Variants in ARHGAP44 observed in about 807,000 individuals in gnomAD.
ARHGAP44 encodes rho GTPase-activating protein 44.
Under a neutral mutation model 106.8 loss-of-function variants are expected in ARHGAP44, and 43 were observed. The observed-to-expected ratio is 0.40, with a 90% CI of 0.32 to 0.52. The LOEUF is 0.52. ARHGAP44 is among the 20% of genes least tolerant of loss of function. The pLI is 0.48. For missense variants in ARHGAP44, 866 were observed against 1,050.5 expected, an observed-to-expected ratio of 0.82 and a Z score of 2.43; for synonymous variants, 439 against 410.3, an observed-to-expected ratio of 1.07 and a Z score of -0.85.
chr17:12,828,636 CTT>C (rs34860101), intron 1 of ARHGAP44, among the ~76,000 whole-genome samples: 12 of 93,262 alleles, frequency 1.3e-4, no homozygotes, highest in Non-Finnish European at 1.8e-4. Context: ...TTTTTTCTTT[CTT>C]TTTTTTTTTT....
chr17:12,867,202 G>A (rs958874934), intron 1 of ARHGAP44, among the ~76,000 whole-genome samples: 1 of 151,684 alleles, frequency 6.6e-6, no homozygotes, highest in Non-Finnish European at 1.5e-5. Flanking sequence ...GTTCCAGCAG[G>A]ATTATGGGGG....
At chr17:12,901,138 GGT>G (rs1370393282) in intron 3 of ARHGAP44, among the ~76,000 whole-genome samples, 1 of 151,930 alleles carries the variant, frequency 6.6e-6, no homozygotes, top group Admixed American at 6.6e-5. Context: ...TGGCCAGGCT[GGT>G]ATCAAACTCC....
intron 1 of ARHGAP44, among the ~76,000 whole-genome samples, chr17:12,844,562 A>G (rs2035509571): frequency 6.6e-6 from 1 of 152,118 alleles, no homozygotes; most frequent in South Asian, 2.1e-4. Context: ...CATAGCACTC[A>G]CCTTTCAGCT....
chr17:12,885,250 C>T (rs1303374000), intron 1 of ARHGAP44, among the ~76,000 whole-genome samples: 2 of 152,138 alleles, frequency 1.3e-5, no homozygotes, highest in East Asian at 1.9e-4. Context: ...TATCCATTCA[C>T]CTGTTGAAGG....
At chr17:12,814,667 A>G (rs1158936109) in intron 1 of ARHGAP44, among the ~76,000 whole-genome samples, 1 of 152,168 alleles carries the variant, frequency 6.6e-6, no homozygotes, top group East Asian at 1.9e-4. Context: ...ATATGCATAT[A>G]TGCAAGCATA....
At chr17:12,834,317 C>G (rs958203465) in intron 1 of ARHGAP44, among the ~76,000 whole-genome samples, 1 of 152,128 alleles carries the variant, frequency 6.6e-6, no homozygotes, top group African/African-American at 2.4e-5. Flanking sequence ...ATGCTCCTTA[C>G]TCTGCTAAAA....
chr17:12,821,906 G>T (rs1260406079), intron 1 of ARHGAP44, among the ~76,000 whole-genome samples: 1 of 152,142 alleles, frequency 6.6e-6, no homozygotes, highest in Non-Finnish European at 1.5e-5. Context: ...CATCTCCTAG[G>T]ATTATTCTGA....
intron 1 of ARHGAP44, among the ~76,000 whole-genome samples, chr17:12,864,662 G>C (rs1203356847): frequency 6.6e-6 from 1 of 152,134 alleles, no homozygotes; most frequent in Non-Finnish European, 1.5e-5. Context: ...GTAACACGAA[G>C]TTATGAGCAC....
At chr17:12,812,100 CA>C (rs1409192830) in intron 1 of ARHGAP44, among the ~76,000 whole-genome samples, 3 of 152,096 alleles carry the variant, frequency 2.0e-5, no homozygotes, top group African/African-American at 7.2e-5. Flanking sequence ...GTGCCAAGGT[CA>C]GGGGTGGGGA....
rs561521163 is a variant in ARHGAP44 at position 12,930,167 on chromosome 17, G to A, written c.582+1121G>A. ...AATATCTGGCGTGTGTGGTATTCCTGAAGCATAACTCTTCTCTCCTTCCAA... is the reference window on the plus strand; with the variant it reads ...AATATCTGGCGTGTGTGGTATTCCTAAAGCATAACTCTTCTCTCCTTCCAA... On this transcript the variant is annotated intron_variant, in intron 7 of 20. Coordinates refer to ENST00000379672, the MANE Select transcript of ARHGAP44 (RefSeq NM_014859.6). Among the ~76,000 whole-genome samples, 92 of 152,040 alleles carry A rather than the reference G, an allele frequency of 6.1e-4. 1 individual carries two copies. The highest frequency in any genetic ancestry group is 1.6e-4 in the Non-Finnish European group (11 of 68,020).
At chr17:12,816,659 T>G (rs1011577206) in intron 1 of ARHGAP44, among the ~76,000 whole-genome samples, 1 of 152,096 alleles carries the variant, frequency 6.6e-6, no homozygotes, top group Non-Finnish European at 1.5e-5. Context: ...ATTACAGAGA[T>G]AAAGGAAGAC....
chr17:12,845,591 T>C (rs7226101), intron 1 of ARHGAP44, among the ~76,000 whole-genome samples: 34,554 of 151,786 alleles, frequency 0.23, 5,788 homozygotes, highest in African/African-American at 0.46. Context: ...CTGTCTTGCT[T>C]CTCATTTTAT....
chr17:12,849,772 G>A (rs1202869319), intron 1 of ARHGAP44, among the ~76,000 whole-genome samples: 1 of 151,840 alleles, frequency 6.6e-6, no homozygotes, highest in Non-Finnish European at 1.5e-5. Flanking sequence ...AAATAGGATG[G>A]CATGTGTCAT....
intron 1 of ARHGAP44, among the ~76,000 whole-genome samples, chr17:12,837,576 A>T (rs558438055): frequency 2.0e-5 from 3 of 152,084 alleles, no homozygotes; most frequent in Non-Finnish European, 2.9e-5. Context: ...GAGTAAGAGT[A>T]AGTCATGGGG....
At chr17:12,986,353 G>A (rs1172053381) in intron 20 of ARHGAP44, 1 of 152,240 alleles carries the variant, frequency 6.6e-6, no homozygotes, top group East Asian at 1.9e-4. Context: ...CGGAGGAGCT[G>A]AAGGTCACCC....
chr17:12,864,151 G>A (rs1567655996), intron 1 of ARHGAP44, among the ~76,000 whole-genome samples: 1 of 152,168 alleles, frequency 6.6e-6, no homozygotes, highest in Admixed American at 6.5e-5. Context: ...CCTCTCGGTG[G>A]AGTGGTAGCA....
intron 10 of ARHGAP44, among the ~76,000 whole-genome samples, chr17:12,948,723 T>TACACACACACACACAC (rs71369353): frequency 1.4e-4 from 4 of 29,366 alleles, no homozygotes; most frequent in African/African-American, 2.7e-4. Flanking sequence ...CCAACACACA[T>TACACACACACACACAC]ACACACACAC....
Position 12,949,769 on chromosome 17 carries a change from G to A in ARHGAP44, c.1055+39G>A, listed in dbSNP as rs772531666. ...GTTTTGGAATGTCCTGTGAGTTACA[G>A]TTTATTTGGGAGTATGTGCTGAAAT... On this transcript the variant is annotated intron_variant, in intron 12 of 20. Coordinates refer to ENST00000379672, the MANE Select transcript of ARHGAP44 (RefSeq NM_014859.6). This position sits in a 1 kb window ranked among gnomAD's most constrained non-coding sequence, Gnocchi z 4.1. The A allele has an allele frequency of 3.2e-5, 50 of 1,570,382 alleles. No individual in the cohort carries two copies. In the Admixed American group the frequency reaches 8.5e-4, roughly 27 times the overall value.
intron 7 of ARHGAP44, chr17:12,929,288 A>G (rs1430988608): frequency 9.1e-5 from 34 of 372,756 alleles, no homozygotes; most frequent in Admixed American, 3.7e-4. Flanking sequence ...CATGCTAGGC[A>G]AAGAGGAATG....
Sources: allele counts gnomAD v4.1 joint callset (sites outside exome capture counted in the v4.1 genomes callset), GRCh38; gene constraint gnomAD v4.1.1; non-coding constraint Gnocchi (gnomAD v3.1); transcripts MANE v1.5; gene names NCBI Gene and HGNC (gene_info 2026-07-23, HGNC 2026-07-21).